The following RNFT2 variants were observed in gnomAD, a reference collection of about 807,000 sequenced individuals.
RNFT2 encodes E3 ubiquitin-protein ligase RNFT2.
A neutral mutation model predicts 53.0 loss-of-function variants in RNFT2; 36 were observed. The observed-to-expected ratio is 0.68, with a 90% CI of 0.52 to 0.90. RNFT2 has a LOEUF of 0.90. Among genes scored for constraint, RNFT2 ranks in the 40% least tolerant of loss-of-function variants. The pLI, the probability that RNFT2 is intolerant of heterozygous loss-of-function variation, is 0.00. For synonymous variants in RNFT2, 260 were observed against 253.2 expected (o/e 1.03, Z -0.26); for missense variants, 514 against 585.6 (o/e 0.88, Z 1.26).
intron 7 of RNFT2, among the ~76,000 whole-genome samples, chr12:116,822,709 GAA>G (rs1876111141): frequency 7.1e-6 from 1 of 140,846 alleles, no homozygotes; most frequent in African/African-American, 3.2e-5. Flanking sequence ...AGGAGAGATA[GAA>G]AGAGAACTGG....
At chr12:116,746,370 T>C (rs1306924411) in intron 3 of RNFT2, among the ~76,000 whole-genome samples, 3 of 151,984 alleles carry the variant, frequency 2.0e-5, no homozygotes, top group African/African-American at 7.3e-5. Context: ...CAAGTGATTA[T>C]AATATATGGC....
At chr12:116,739,480 C>A (rs1206237251) in intron 1 of RNFT2, among the ~76,000 whole-genome samples, 3 of 152,152 alleles carry the variant, frequency 2.0e-5, no homozygotes, top group Non-Finnish European at 4.4e-5. Context: ...AATAAATAAG[C>A]AAACATGAAC....
At chr12:116,833,726 G>A (rs1876807416) in intron 7 of RNFT2, 66 bp from the exon 8 acceptor site, 1 of 1,573,646 alleles carries the variant, frequency 6.4e-7, no homozygotes, top group South Asian at 1.1e-5. Context: ...GGGGCGGGGG[G>A]CCCCCCAGCT....
chr12:116,842,392 C>T (rs756530774), intron 10 of RNFT2, among the ~76,000 whole-genome samples: 9 of 152,042 alleles, frequency 5.9e-5, no homozygotes, highest in Admixed American at 3.3e-4. Flanking sequence ...CTCTCACATG[C>T]CCGAGGTTGG....
At chr12:116,835,855 T>G (rs2137205868) in intron 8 of RNFT2, 105 bp from the exon 9 acceptor site, 1 of 1,181,366 alleles carries the variant, frequency 8.5e-7, no homozygotes, top group East Asian at 2.3e-5. Context: ...AAAAATGTTC[T>G]GAGTCAAAAA....
chr12:116,770,218 A>T (rs563624570), intron 6 of RNFT2, among the ~76,000 whole-genome samples: 1 of 152,220 alleles, frequency 6.6e-6, no homozygotes, highest in South Asian at 2.1e-4. Flanking sequence ...ATCTTTTTTC[A>T]TCCTTTATAC....
At chr12:116,784,975 T>C (rs901712949) in intron 7 of RNFT2, among the ~76,000 whole-genome samples, 3 of 152,156 alleles carry the variant, frequency 2.0e-5, no homozygotes, top group Non-Finnish European at 4.4e-5. Flanking sequence ...GGGGCTGCCC[T>C]TGTGCTCAGG....
intron 3 of RNFT2, 46 bp downstream of exon 3, chr12:116,741,140 G>T (rs893904051): frequency 6.5e-7 from 1 of 1,535,732 alleles, no homozygotes; most frequent in South Asian, 1.2e-5. Context: ...TAGGCTTCGG[G>T]TGGTGAGGGG....
At chr12:116,760,079 G>A (rs1872639674) in intron 5 of RNFT2, among the ~76,000 whole-genome samples, 1 of 152,130 alleles carries the variant, frequency 6.6e-6, no homozygotes, top group Admixed American at 6.5e-5. Context: ...GTGTACCAAG[G>A]AGGATTATGG....
rs149231826 is a variant in RNFT2 at position 116,764,204 on chromosome 12, A to C, written c.628-2610A>C. ...CAGTGGACTTTGGGGACTCTGGGGG[A>C]AAGAGTGGGAAGGGAGTGAGGGATT... is the stretch of plus-strand genomic sequence containing the variant. On this transcript the variant is annotated intron_variant, in intron 5 of 10. Coordinates refer to ENST00000257575, the MANE Select transcript of RNFT2 (RefSeq NM_001382266.1). 3.3e-5 allele frequency among the ~76,000 whole-genome samples: 5 copies of C among 152,250 alleles called. No individual in the cohort carries two copies. The East Asian group carries it at 9.7e-4, about 29-fold the overall frequency.
rs1332187082 is a variant in RNFT2, at chr12:116,852,859, T to C, written c.*3411T>C. The C allele has an allele frequency of 5.5e-6, 4 of 730,462 alleles. No individual in the cohort carries two copies. Among genetic ancestry groups the C allele is most frequent in the African/African-American group, 1.8e-5 (1 of 56,650 alleles). The allele number at this position is 730,462 out of a possible 1,614,324, so 45.2% of individuals were successfully genotyped here. ...CTGCTGGAACCAAGGAAACTAACAA[T>C]GTAGGTTACTAGTGAATACCCCAAT... On this transcript the variant is annotated 3_prime_UTR_variant, in exon 11 of 11. Coordinates refer to ENST00000257575, the MANE Select transcript of RNFT2 (RefSeq NM_001382266.1).
At chr12:116,766,375 C>T (rs1405376907) in intron 5 of RNFT2, among the ~76,000 whole-genome samples, 1 of 152,158 alleles carries the variant, frequency 6.6e-6, no homozygotes, top group Non-Finnish European at 1.5e-5. Flanking sequence ...CCTCTCTGTG[C>T]TTTAGTTCTT....
At position 116,852,543 on chromosome 12, in the gene RNFT2, C is replaced by T. The variant is rs2137234573; in HGVS notation, c.*3095C>T. 5 of 1,588,742 alleles carry T rather than the reference C, an allele frequency of 3.1e-6. No individual in the cohort carries two copies. Among genetic ancestry groups the T allele is most frequent in the Middle Eastern group, 1.7e-4 (1 of 5,744 alleles). On this transcript the variant is annotated 3_prime_UTR_variant, in exon 11 of 11. Coordinates refer to ENST00000257575, the MANE Select transcript of RNFT2 (RefSeq NM_001382266.1). ...GAAGGGGAAGCAGAGGGAAATGGGG[C>T]CATGTGAATGCAGCTGCTCTGTTCT...
intron 7 of RNFT2, among the ~76,000 whole-genome samples, chr12:116,794,176 G>T (rs1420973502): frequency 6.6e-6 from 1 of 152,162 alleles, no homozygotes; most frequent in Non-Finnish European, 1.5e-5. Flanking sequence ...GAGGTGGGAA[G>T]ATTGCTTGAG....
intron 3 of RNFT2, among the ~76,000 whole-genome samples, chr12:116,742,133 A>G (rs773197325): frequency 5.3e-5 from 8 of 152,190 alleles, no homozygotes; most frequent in Non-Finnish European, 1.0e-4. Context: ...GAGGGCAGAA[A>G]GGACCGAGGA....
intron 7 of RNFT2, among the ~76,000 whole-genome samples, chr12:116,785,604 G>C (rs1188473930): frequency 6.6e-6 from 1 of 152,162 alleles, no homozygotes; most frequent in East Asian, 1.9e-4. Context: ...TATTTGAAAA[G>C]TCTGTTTGGC....
Position 116,852,877 on chromosome 12 carries a change from A to G in RNFT2, c.*3429A>G. On this transcript the variant is annotated 3_prime_UTR_variant, in exon 11 of 11. Coordinates refer to ENST00000257575, the MANE Select transcript of RNFT2 (RefSeq NM_001382266.1). Reference sequence around the variant, plus strand: ...CTAACAATGTAGGTTACTAGTGAATACCCCAATGGTTTCTCCAATTATGCC... The same window carrying G: ...CTAACAATGTAGGTTACTAGTGAATGCCCCAATGGTTTCTCCAATTATGCC... The G allele has an allele frequency of 1.5e-6, 1 of 651,960 alleles. No homozygotes were observed. The highest frequency in any genetic ancestry group is 2.7e-5 in the East Asian group (1 of 36,830). The allele number at this position is 651,960 out of a possible 1,614,324, so 40.4% of individuals were successfully genotyped here. A position where few individuals can be genotyped will look rare whatever the true frequency, so the allele number is the denominator to read the frequency against.
rs904206980 is a variant in RNFT2, at chr12:116,853,092, G to A, written c.*3644G>A. The stretch of plus-strand genomic sequence containing the variant: ...ATCTGAGGTTTTCTTCTCGGTGGGG[G>A]GATTTAACTTCTGTCCTAGGGAAAA... On this transcript the variant is annotated 3_prime_UTR_variant, in exon 11 of 11. Transcript: ENST00000257575. 2 of 424,028 alleles carry A rather than the reference G, an allele frequency of 4.7e-6. No individual in the cohort carries two copies. Among genetic ancestry groups the A allele is most frequent in the African/African-American group, 4.1e-5 (2 of 49,230 alleles). The allele number at this position is 424,028 out of a possible 1,614,324, so 26.3% of individuals were successfully genotyped here.
intron 7 of RNFT2, among the ~76,000 whole-genome samples, chr12:116,789,815 A>C (rs1874141424): frequency 7.0e-6 from 1 of 142,366 alleles, no homozygotes. Flanking sequence ...AAATGGAAGG[A>C]GAGTGGATGG....
Sources: allele counts gnomAD v4.1 joint callset (sites outside exome capture counted in the v4.1 genomes callset), GRCh38; gene constraint gnomAD v4.1.1; transcripts MANE v1.5; gene names NCBI Gene and HGNC (gene_info 2026-07-23, HGNC 2026-07-21).